Variants in DIAPH3 observed in about 807,000 individuals in gnomAD.
The protein encoded by DIAPH3 is diaphanous related formin 3, also known as protein diaphanous homolog 3.
In DIAPH3, 117 loss-of-function variants were observed where a neutral mutation model predicts 144.3. The observed-to-expected ratio is 0.81, with a 90% CI of 0.70 to 0.95. The LOEUF is 0.95. Ranked by LOEUF, DIAPH3 falls within the 40% of genes least tolerant of loss-of-function variation. The probability of loss-of-function intolerance (pLI) is 0.00; values close to 1 mark genes in which losing one functional copy is unlikely to be tolerated. For missense variants in DIAPH3, 1,421 were observed against 1,412.7 expected, an observed-to-expected ratio of 1.01 and a Z score of -0.09; for synonymous variants, 519 against 488.9, an observed-to-expected ratio of 1.06 and a Z score of -0.81.
chr13:59,670,635 T>G (rs1025934957), intron 27 of DIAPH3, among the ~76,000 whole-genome samples: 1 of 147,868 alleles, frequency 6.8e-6, no homozygotes, highest in Non-Finnish European at 1.5e-5. Flanking sequence ...CAGGCTGGAG[T>G]GCAGTGGCGG....
intron 24 of DIAPH3, among the ~76,000 whole-genome samples, chr13:59,811,155 C>T (rs1483090806): frequency 6.6e-6 from 1 of 151,904 alleles, no homozygotes; most frequent in Non-Finnish European, 1.5e-5. Flanking sequence ...TTAAAACATC[C>T]ACATCTTGAT....
chr13:60,161,598 C>G (rs1246340658), intron 1 of DIAPH3, among the ~76,000 whole-genome samples: 1 of 152,142 alleles, frequency 6.6e-6, no homozygotes, highest in Non-Finnish European at 1.5e-5. Context: ...CAAACTATCT[C>G]CAAAGAAAAG....
At chr13:59,921,073 T>C (rs1309629324) in intron 18 of DIAPH3, among the ~76,000 whole-genome samples, 1 of 149,972 alleles carries the variant, frequency 6.7e-6, no homozygotes, top group Non-Finnish European at 1.5e-5. Flanking sequence ...CATACCAAAA[T>C]ATATGGGATA....
intron 20 of DIAPH3, among the ~76,000 whole-genome samples, chr13:59,884,783 A>AG (rs1287776902): frequency 6.7e-6 from 1 of 150,150 alleles, no homozygotes; most frequent in Non-Finnish European, 1.5e-5. Flanking sequence ...AAAGGCTTCA[A>AG]AAAAAAAAAA....
Position 59,767,965 on chromosome 13 carries a change from A to C in DIAPH3, c.3319+6224T>G, listed in dbSNP as rs1181835641. ...CTGCCCTGACTATAAATTAGATAAG[A>C]AAAGCCTTTCCTGTCTACCCACAGG... On this transcript the variant is annotated intron_variant, in intron 27 of 27. Coordinates refer to ENST00000400324, the MANE Select transcript of DIAPH3 (RefSeq NM_001042517.2). Among the ~76,000 whole-genome samples, 5 of 152,238 alleles carry C rather than the reference A, an allele frequency of 3.3e-5. No homozygotes were observed. The East Asian group carries it at 9.8e-4, about 30-fold the overall frequency.
At chr13:60,133,031 A>C (rs1189396570) in intron 1 of DIAPH3, 42 bp from the exon 2 acceptor site, 1 of 1,440,550 alleles carries the variant, frequency 6.9e-7, no homozygotes, top group Non-Finnish European at 9.7e-7. Flanking sequence ...AATTTATAAC[A>C]GCTTCTTTAT....
At chr13:59,921,001 A>G (rs1385029412) in intron 18 of DIAPH3, among the ~76,000 whole-genome samples, 1 of 151,890 alleles carries the variant, frequency 6.6e-6, no homozygotes, top group Non-Finnish European at 1.5e-5. Context: ...CAATGGGTCA[A>G]TGAAGAAATT....
At chr13:60,030,797 T>A (rs1405982435) in intron 5 of DIAPH3, among the ~76,000 whole-genome samples, 1 of 152,184 alleles carries the variant, frequency 6.6e-6, no homozygotes, top group East Asian at 1.9e-4. Flanking sequence ...TAAATCCTAA[T>A]CACACTAGCA....
intron 25 of DIAPH3, among the ~76,000 whole-genome samples, chr13:59,809,826 C>A (rs1235306943): frequency 6.6e-6 from 1 of 152,078 alleles, no homozygotes; most frequent in Non-Finnish European, 1.5e-5. Flanking sequence ...CTGTCTATTC[C>A]TGGGGAAACC....
intron 17 of DIAPH3, among the ~76,000 whole-genome samples, chr13:59,958,939 G>C (rs1317636926): frequency 7.1e-6 from 1 of 140,056 alleles, no homozygotes; most frequent in Non-Finnish European, 1.5e-5. Flanking sequence ...GCAATGGCAC[G>C]ATCTCGGCTC....
intron 25 of DIAPH3, among the ~76,000 whole-genome samples, chr13:59,776,460 A>G (rs1018570181): frequency 3.3e-5 from 5 of 152,148 alleles, no homozygotes; most frequent in African/African-American, 1.2e-4. Context: ...TCCTTAAAAA[A>G]CTGCAGGTAA....
At chr13:60,036,768 C>A (rs955840722) in intron 5 of DIAPH3, among the ~76,000 whole-genome samples, 1 of 151,768 alleles carries the variant, frequency 6.6e-6, no homozygotes, top group African/African-American at 2.4e-5. Flanking sequence ...TAAAACATGC[C>A]ATGCAAATCT....
At chr13:59,699,586 A>G (rs554301024) in intron 27 of DIAPH3, among the ~76,000 whole-genome samples, 1 of 152,324 alleles carries the variant, frequency 6.6e-6, no homozygotes, top group Non-Finnish European at 1.5e-5. Context: ...GTTTTATCAG[A>G]AAGTGATTTC....
chr13:60,163,377 G>A (rs557191266), intron 1 of DIAPH3, among the ~76,000 whole-genome samples: 45 of 152,314 alleles, frequency 3.0e-4, no homozygotes, highest in Middle Eastern at 3.4e-3. Context: ...TTTCACATCA[G>A]CGTTAAGAAA....
chr13:59,937,302 G>A (rs749184355), intron 17 of DIAPH3, among the ~76,000 whole-genome samples: 6 of 152,030 alleles, frequency 3.9e-5, no homozygotes, highest in Admixed American at 1.3e-4. Context: ...TATGACATAC[G>A]AAGACATATA....
chr13:59,982,424 C>A (rs1161883101), intron 13 of DIAPH3, among the ~76,000 whole-genome samples: 2 of 151,488 alleles, frequency 1.3e-5, no homozygotes, highest in East Asian at 2.0e-4. Context: ...CCACTCCCCC[C>A]ACCCCAGGAA....
At chr13:59,935,961 T>C (rs2048243806) in intron 17 of DIAPH3, among the ~76,000 whole-genome samples, 1 of 152,134 alleles carries the variant, frequency 6.6e-6, no homozygotes, top group South Asian at 2.1e-4. Flanking sequence ...AGCAGATAAA[T>C]GCGTATTTCT....
intron 22 of DIAPH3, among the ~76,000 whole-genome samples, chr13:59,843,583 A>G (rs569323922): frequency 7.1e-4 from 108 of 152,364 alleles, no homozygotes; most frequent in African/African-American, 2.5e-3. Flanking sequence ...GACATTTCAT[A>G]AAGAGTAAGC....
At chr13:59,955,021 G>A (rs1321169551) in intron 17 of DIAPH3, among the ~76,000 whole-genome samples, 1 of 150,476 alleles carries the variant, frequency 6.6e-6, no homozygotes, top group Non-Finnish European at 1.5e-5. Flanking sequence ...ATAATCCAAC[G>A]ATTACTCAAC....
Sources: gnomAD v4.1 joint callset for allele counts (sites outside exome capture counted in the v4.1 genomes callset) on GRCh38, gnomAD v4.1.1 for gene constraint, MANE v1.5 for transcripts, NCBI Gene and HGNC (gene_info 2026-07-23, HGNC 2026-07-21) for gene names.